The following MMP16 variants were observed in gnomAD, a reference collection of about 807,000 sequenced individuals.
MMP16 encodes the protein matrix metallopeptidase 16.
In MMP16, 12 loss-of-function variants were observed where a neutral mutation model predicts 67.8. The ratio of observed to expected loss-of-function variants is 0.18; its 90% CI spans 0.11 to 0.29. The LOEUF (loss-of-function observed/expected upper bound fraction) is 0.29. MMP16 is among the 10% of genes least tolerant of loss of function. The pLI is 1.00. For synonymous variants in MMP16, 249 were observed against 255.9 expected, an observed-to-expected ratio of 0.97 and a Z score of 0.26; for missense variants, 475 against 765.7, an observed-to-expected ratio of 0.62 and a Z score of 4.48.
intron 3 of MMP16, among the ~76,000 whole-genome samples, chr8:88,171,592 T>G (rs1398589074): frequency 6.6e-6 from 1 of 152,170 alleles, no homozygotes; most frequent in African/African-American, 2.4e-5. Context: ...AGATAGCTGG[T>G]TAAACAAAAT....
chr8:88,124,885 C>G (rs1418605505), intron 4 of MMP16, among the ~76,000 whole-genome samples: 1 of 151,880 alleles, frequency 6.6e-6, no homozygotes, highest in Non-Finnish European at 1.5e-5. Flanking sequence ...TGTGCATACT[C>G]ACTTCGTAAA....
intron 6 of MMP16, among the ~76,000 whole-genome samples, chr8:88,108,262 A>G (rs76441493): frequency 0.078 from 11,853 of 151,276 alleles, 532 homozygotes; most frequent in East Asian, 0.18. Flanking sequence ...AACTCTCTTC[A>G]TAAAGAAATA....
chr8:88,132,293 A>G (rs1808043776), intron 4 of MMP16, among the ~76,000 whole-genome samples: 1 of 151,958 alleles, frequency 6.6e-6, no homozygotes, highest in Non-Finnish European at 1.5e-5. Context: ...AACAACTTCA[A>G]GAATGATAAT....
At chr8:88,180,933 A>C (rs1808969596) in intron 3 of MMP16, among the ~76,000 whole-genome samples, 1 of 152,170 alleles carries the variant, frequency 6.6e-6, no homozygotes, top group Non-Finnish European at 1.5e-5. Context: ...CAAAAGAAGA[A>C]AATTCATATT....
At chr8:88,208,365 G>A (rs1415480035) in intron 1 of MMP16, among the ~76,000 whole-genome samples, 1 of 152,228 alleles carries the variant, frequency 6.6e-6, no homozygotes, top group African/African-American at 2.4e-5. Flanking sequence ...AATATTGATT[G>A]GTTCCATTTA....
chr8:88,199,651 T>G (rs1809310331), intron 1 of MMP16, among the ~76,000 whole-genome samples: 1 of 152,028 alleles, frequency 6.6e-6, no homozygotes, highest in Admixed American at 6.6e-5. Context: ...TGACTTGGCA[T>G]GTAGTCTTTG....
intron 4 of MMP16, among the ~76,000 whole-genome samples, chr8:88,142,082 T>C (rs1808221086): frequency 6.6e-6 from 1 of 151,814 alleles, no homozygotes. Flanking sequence ...TTTTTTTTTT[T>C]GTATTTTAGT....
At chr8:88,224,898 A>G (rs1455338118) in intron 1 of MMP16, among the ~76,000 whole-genome samples, 3 of 151,938 alleles carry the variant, frequency 2.0e-5, no homozygotes, top group Non-Finnish European at 4.4e-5. Flanking sequence ...CCTTTAAATT[A>G]TGTATTTTTT....
At chr8:88,120,256 T>C (rs1248058971) in intron 4 of MMP16, among the ~76,000 whole-genome samples, 1 of 151,986 alleles carries the variant, frequency 6.6e-6, no homozygotes, top group Non-Finnish European at 1.5e-5. Context: ...TTTGGAAGTA[T>C]GTAATTTAGG....
At chr8:88,201,771 G>C (rs1417262063) in intron 1 of MMP16, among the ~76,000 whole-genome samples, 1 of 151,840 alleles carries the variant, frequency 6.6e-6, no homozygotes, top group Non-Finnish European at 1.5e-5. Flanking sequence ...TTGTTACAAA[G>C]TAAAATTAAC....
intron 9 of MMP16, among the ~76,000 whole-genome samples, chr8:88,043,873 C>T (rs1288129422): frequency 2.0e-5 from 3 of 152,128 alleles, no homozygotes; most frequent in Non-Finnish European, 4.4e-5. Flanking sequence ...AATAACAGTA[C>T]ATTAGATGAT....
intron 4 of MMP16, among the ~76,000 whole-genome samples, chr8:88,138,387 T>C (rs1195997586): frequency 2.0e-5 from 3 of 152,016 alleles, no homozygotes; most frequent in Non-Finnish European, 4.4e-5. Flanking sequence ...CTAATTTTCG[T>C]AGCCTCACAA....
intron 8 of MMP16, 28 bp downstream of exon 8, chr8:88,056,100 G>A (rs1480134462): frequency 2.1e-6 from 3 of 1,414,836 alleles, no homozygotes; most frequent in Non-Finnish European, 1.9e-6. Flanking sequence ...TTAATTAACT[G>A]TTTTTCTCAT....
chr8:88,149,153 G>A (rs981885136), intron 4 of MMP16, among the ~76,000 whole-genome samples: 35 of 152,190 alleles, frequency 2.3e-4, no homozygotes, highest in African/African-American at 6.5e-4. Flanking sequence ...CTTTTCAGAC[G>A]GGCTTAAAAA....
At chr8:88,080,682 C>T (rs1272791827) in intron 6 of MMP16, among the ~76,000 whole-genome samples, 2 of 152,084 alleles carry the variant, frequency 1.3e-5, no homozygotes, top group Non-Finnish European at 2.9e-5. Context: ...GTGATCCACC[C>T]ACCTTGGCCT....
intron 1 of MMP16, among the ~76,000 whole-genome samples, chr8:88,257,831 C>A (rs1306116619): frequency 6.6e-6 from 1 of 152,008 alleles, no homozygotes; most frequent in Non-Finnish European, 1.5e-5. Flanking sequence ...CAAAAAGAAA[C>A]AATACTGTAA....
chr8:88,262,812 C>T (rs1047932993), intron 1 of MMP16, among the ~76,000 whole-genome samples: 4 of 122,812 alleles, frequency 3.3e-5, no homozygotes, highest in Non-Finnish European at 6.4e-5. Flanking sequence ...GCCATCCTGG[C>T]TAACATGGTG....
At chr8:88,292,336 G>A (rs1810938490) in intron 1 of MMP16, among the ~76,000 whole-genome samples, 1 of 152,108 alleles carries the variant, frequency 6.6e-6, no homozygotes, top group African/African-American at 2.4e-5. Flanking sequence ...CTGAGGAAAG[G>A]ACCCTAAGAA....
chr8:88,236,609 G>A (rs773667073), intron 1 of MMP16, among the ~76,000 whole-genome samples: 3 of 152,000 alleles, frequency 2.0e-5, no homozygotes, highest in Non-Finnish European at 2.9e-5. Context: ...TTAGTGGGGT[G>A]TGGTGGGCGT....
Sources: gnomAD v4.1 joint callset for allele counts (sites outside exome capture counted in the v4.1 genomes callset) on GRCh38, gnomAD v4.1.1 for gene constraint, MANE v1.5 for transcripts, NCBI Gene and HGNC (gene_info 2026-07-23, HGNC 2026-07-21) for gene names.